Variants in AIG1 observed in about 807,000 individuals in gnomAD.
AIG1 encodes the protein androgen induced 1, also known as androgen-induced gene 1 protein.
In AIG1, 23 loss-of-function variants were observed where a neutral mutation model predicts 31.4. That is an observed-to-expected ratio of 0.73 (90% confidence interval 0.53 to 1.04). The LOEUF (loss-of-function observed/expected upper bound fraction) is 1.04. AIG1 is among the 50% of genes least tolerant of loss of function. The pLI is 0.00. For missense variants in AIG1, 274 were observed against 295.0 expected (o/e 0.93, Z 0.52); for synonymous variants, 100 against 110.5 (o/e 0.90, Z 0.60).
chr6:143,250,685 A>G (rs1026230023), intron 3 of AIG1, among the ~76,000 whole-genome samples: 2 of 152,026 alleles, frequency 1.3e-5, no homozygotes, highest in African/African-American at 2.4e-5. Flanking sequence ...TGACGCCGCT[A>G]CAAGCCAAGG....
chr6:143,339,833 ACAT>A lies in AIG1; in HGVS notation c.*158_*160del. ...ACCTTTTATATATAAATATGTATAAACATAGAATACAGTTGTTTCCAAAAGAAC... is the reference window on the plus strand; with the variant it reads ...ACCTTTTATATATAAATATGTATAAAAGAATACAGTTGTTTCCAAAAGAAC... On this transcript the variant is annotated 3_prime_UTR_variant, in exon 6 of 6. Transcript: ENST00000357847. 3 of 572,920 alleles carry A rather than the reference ACAT, an allele frequency of 5.2e-6. No homozygotes were observed. The highest frequency in any genetic ancestry group is 8.8e-6 in the Non-Finnish European group (3 of 342,396). The allele number at this position is 572,920 out of a possible 1,614,324, so 35.5% of individuals were successfully genotyped here. A position where few individuals can be genotyped will look rare whatever the true frequency, so the allele number is the denominator to read the frequency against.
chr6:143,159,672 G>A (rs1372230183), intron 2 of AIG1, among the ~76,000 whole-genome samples: 3 of 152,194 alleles, frequency 2.0e-5, no homozygotes, highest in South Asian at 2.1e-4. Flanking sequence ...TTCACTATGC[G>A]TTTCTGAATT....
chr6:143,261,101 A>G (rs1562534144), intron 3 of AIG1, among the ~76,000 whole-genome samples: 2 of 152,052 alleles, frequency 1.3e-5, no homozygotes, highest in Non-Finnish European at 2.9e-5. Flanking sequence ...TTGCAGAGGA[A>G]TGGGGAAGGA....
At chr6:143,195,035 G>T (rs1015774320) in intron 3 of AIG1, among the ~76,000 whole-genome samples, 1 of 152,190 alleles carries the variant, frequency 6.6e-6, no homozygotes, top group Non-Finnish European at 1.5e-5. Context: ...CCCCTTGTTT[G>T]TGGGATTGTT....
intron 3 of AIG1, among the ~76,000 whole-genome samples, chr6:143,257,466 T>C (rs1795449270): frequency 6.6e-6 from 1 of 152,236 alleles, no homozygotes; most frequent in Non-Finnish European, 1.5e-5. Flanking sequence ...CTTTAGGATT[T>C]TCAGTGGAAA....
intron 3 of AIG1, among the ~76,000 whole-genome samples, chr6:143,192,559 C>T (rs779645305): frequency 8.0e-5 from 12 of 150,908 alleles, no homozygotes; most frequent in Non-Finnish European, 1.5e-4. Flanking sequence ...GAGCCAAGAT[C>T]GTACTACTTG....
chr6:143,060,823 C>G, upstream of AIG1: 2 of 401,570 alleles, frequency 5.0e-6, no homozygotes, highest in Non-Finnish European at 6.6e-6. Context: ...CGCCCCGCGC[C>G]CGCGCCCGCG....
chr6:143,266,181 C>T lies in AIG1; in HGVS notation c.400-17929C>T, dbSNP rs551301393. On this transcript the variant is annotated intron_variant, in intron 3 of 5. Coordinates refer to ENST00000357847, the MANE Select transcript of AIG1 (RefSeq NM_016108.4). ...TGGCCAACATGGTGAAACCCCATCTCTACTAAAATACAAAAATTAGCCGAG... is the reference window on the plus strand; with the variant it reads ...TGGCCAACATGGTGAAACCCCATCTTTACTAAAATACAAAAATTAGCCGAG... 3.3e-5 allele frequency among the ~76,000 whole-genome samples: 5 copies of T among 152,140 alleles called. No homozygotes were observed. In the East Asian group the frequency reaches 9.7e-4, roughly 29 times the overall value.
At chr6:143,096,410 C>G (rs1779798854) in intron 1 of AIG1, among the ~76,000 whole-genome samples, 1 of 152,152 alleles carries the variant, frequency 6.6e-6, no homozygotes, top group Non-Finnish European at 1.5e-5. Flanking sequence ...GCTAAGGTAT[C>G]TCTTCTGAAA....
intron 1 of AIG1, chr6:143,099,359 A>G (rs980950939): frequency 1.3e-5 from 2 of 152,244 alleles, no homozygotes; most frequent in Non-Finnish European, 2.9e-5. Flanking sequence ...TGTTCCCTAG[A>G]GCACACCATA....
rs531452175 is a variant in AIG1 at position 143,136,113 on chromosome 6, T to TG, written c.142-715dup. Among the ~76,000 whole-genome samples the TG allele has an allele frequency of 2.8e-4, 43 of 152,132 alleles. No homozygotes were observed. The South Asian group carries it at 8.1e-3, about 29-fold the overall frequency. On this transcript the variant is annotated intron_variant, in intron 1 of 5. Coordinates refer to ENST00000357847, the MANE Select transcript of AIG1 (RefSeq NM_016108.4). ...AGGAATGTATAACCTGTAGTTTTTT[T>TG]GGGGGGGCGGTTAGAGAAATTGTAT...
rs151273817 is a variant in AIG1 at position 143,132,621 on chromosome 6, C to T, written c.142-4214C>T. 5.0e-3 allele frequency among the ~76,000 whole-genome samples: 761 copies of T among 151,378 alleles called. 4 individuals are homozygous for T. Among genetic ancestry groups the T allele is most frequent in the African/African-American group, 0.017 (698 of 41,402 alleles). On this transcript the variant is annotated intron_variant, in intron 1 of 5. Coordinates refer to ENST00000357847, the MANE Select transcript of AIG1 (RefSeq NM_016108.4). ...TGGGTTTATAGTTTTCAGAAAACTT[C>T]GAAAAACTTCAGCCATTATTTCTTC...
chr6:143,295,952 C>G (rs1798395685), intron 4 of AIG1, among the ~76,000 whole-genome samples: 1 of 152,050 alleles, frequency 6.6e-6, no homozygotes, highest in Non-Finnish European at 1.5e-5. Context: ...GACATTACAT[C>G]AATAAAATGC....
chr6:143,229,421 T>A (rs1038178383), intron 3 of AIG1, among the ~76,000 whole-genome samples: 1 of 152,238 alleles, frequency 6.6e-6, no homozygotes, highest in African/African-American at 2.4e-5. Context: ...CTAGCCTCTC[T>A]GGAGTTCTAT....
intron 3 of AIG1, chr6:143,190,165 C>G (rs1284830438): frequency 1.0e-6 from 1 of 984,928 alleles, no homozygotes; most frequent in Admixed American, 6.2e-5. Flanking sequence ...TTTGAGGGGA[C>G]AGAAACATTC....
downstream of AIG1, chr6:143,343,282 C>G: frequency 1.3e-5 from 8 of 636,598 alleles, 1 homozygote; most frequent in South Asian, 1.1e-4. Flanking sequence ...TGGTATGTTA[C>G]TTACCCTCAT....
chr6:143,197,455 A>G (rs1348862933), intron 3 of AIG1, among the ~76,000 whole-genome samples: 1 of 152,204 alleles, frequency 6.6e-6, no homozygotes, highest in Admixed American at 6.5e-5. Context: ...AGAAGAAGCT[A>G]AATAAAATAG....
rs1223242712 is a variant in AIG1 at position 143,333,664 on chromosome 6, C to T, written c.679+219C>T. On this transcript the variant is annotated intron_variant, in intron 5 of 5. Transcript: ENST00000357847. This position sits in a 1 kb window ranked among gnomAD's most constrained non-coding sequence, Gnocchi z 4.6. The stretch of plus-strand genomic sequence containing the variant: ...TTGGTCTTGTTAGCTAGTAAAACCT[C>T]CAAATCTAAAGAGGAAAGAGGCATG... Among the ~76,000 whole-genome samples, 1 of 151,786 alleles carries T rather than the reference C, an allele frequency of 6.6e-6. No homozygotes were observed. Among genetic ancestry groups the T allele is most frequent in the African/African-American group, 2.4e-5 (1 of 41,304 alleles).
At chr6:143,248,085 A>C (rs1794742859) in intron 3 of AIG1, among the ~76,000 whole-genome samples, 1 of 152,180 alleles carries the variant, frequency 6.6e-6, no homozygotes, top group African/African-American at 2.4e-5. Flanking sequence ...GTCTCCTGGG[A>C]GTGTCTTATG....
Sources: gnomAD v4.1 joint callset for allele counts (sites outside exome capture counted in the v4.1 genomes callset) on GRCh38, gnomAD v4.1.1 for gene constraint, Gnocchi (gnomAD v3.1) non-coding constraint, MANE v1.5 for transcripts, NCBI Gene and HGNC (gene_info 2026-07-23, HGNC 2026-07-21) for gene names.